PRELID2: variants seen among roughly 807,000 people sequenced by gnomAD.
The protein encoded by PRELID2 is PRELI domain containing 2, also known as PRELI domain-containing protein 2.
Under a neutral mutation model 28.4 loss-of-function variants are expected in PRELID2, and 25 were observed. The ratio of observed to expected loss-of-function variants is 0.88; its 90% confidence interval spans 0.64 to 1.23. The LOEUF (loss-of-function observed/expected upper bound fraction) is 1.23. Among genes scored for constraint, PRELID2 ranks in the 50% most tolerant of loss-of-function variants. The pLI, the probability that PRELID2 is intolerant of heterozygous loss-of-function variation, is 0.00. For missense variants in PRELID2, 201 were observed against 214.4 expected (o/e 0.94, Z 0.39); for synonymous variants, 76 against 71.6 (o/e 1.06, Z -0.31).
chr5:145,267,351 ACACT>A, the PRELID2 span, among the ~76,000 whole-genome samples: 1 of 152,136 alleles, frequency 6.6e-6, no homozygotes, highest in Non-Finnish European at 1.5e-5. Context: ...CTTCACAGAC[ACACT>A]CAGGATCAAT....
chr5:145,387,375 T>C, the PRELID2 span, among the ~76,000 whole-genome samples: 1 of 152,082 alleles, frequency 6.6e-6, no homozygotes, highest in African/African-American at 2.4e-5. Context: ...ATTTAACAGA[T>C]GTGAGAAGTA....
chr5:145,360,207 C>G, the PRELID2 span, among the ~76,000 whole-genome samples: 65 of 152,236 alleles, frequency 4.3e-4, no homozygotes, highest in Non-Finnish European at 6.8e-4. Flanking sequence ...GGGAGACTCA[C>G]CCCCAAGGGT....
the PRELID2 span, among the ~76,000 whole-genome samples, chr5:145,397,429 G>C: frequency 6.6e-6 from 1 of 152,050 alleles, no homozygotes; most frequent in Non-Finnish European, 1.5e-5. Flanking sequence ...GAAGAAATAA[G>C]TTATCTCATT....
In PRELID2 at chr5:145,528,724, CACAGAG is replaced by C. The variant is rs764865786; in HGVS notation, n.71-55415_71-55410del. On this transcript the variant is annotated intron_variant and non_coding_transcript_variant, in intron 1 of 2. Transcript: ENST00000510259. Reference sequence around the variant, plus strand: ...ACACACACACACACACACACACACACACAGAGAGAGAGAGAGAGAGAGAGAGAGTAA... The same window carrying C: ...ACACACACACACACACACACACACACAGAGAGAGAGAGAGAGAGAGAGTAA... Among the ~76,000 whole-genome samples, 362 of 56,684 alleles carry C rather than the reference CACAGAG, an allele frequency of 6.4e-3. 1 individual carries two copies. In the East Asian group the frequency reaches 0.09, roughly 14 times the overall value. 37.2% of individuals were successfully genotyped at this position (56,684 alleles called of 152,430 possible).
chr5:145,756,887 C>T lies in PRELID2; in HGVS notation c.*3649G>A, dbSNP rs1757272786. ...AGATAAAAGTGAGGGAAAAGAAAAA[C>T]TCTAAAAACCATGGTAGAACTCAAA... On this transcript the variant is annotated 3_prime_UTR_variant, in exon 7 of 7. Coordinates refer to ENST00000683046, the MANE Select transcript of PRELID2 (RefSeq NM_205846.3). Among the ~76,000 whole-genome samples, 1 of 152,122 alleles carries T rather than the reference C, an allele frequency of 6.6e-6. No homozygotes were observed. Among genetic ancestry groups the T allele is most frequent in the East Asian group, 1.9e-4 (1 of 5,192 alleles).
chr5:145,762,209 T>G (rs1445856460), intron 6 of PRELID2, among the ~76,000 whole-genome samples: 1 of 152,186 alleles, frequency 6.6e-6, no homozygotes, highest in Admixed American at 6.5e-5. Context: ...CCTGGTTATA[T>G]TCAGACCTCG....
At chr5:145,689,005 C>A (rs749341387) in intron 1 of PRELID2, among the ~76,000 whole-genome samples, 7 of 152,046 alleles carry the variant, frequency 4.6e-5, no homozygotes, top group Admixed American at 1.3e-4. Flanking sequence ...TTGGGAGATC[C>A]AAAAGGAGAT....
At chr5:145,576,592 G>A (rs140000639) in intron 1 of PRELID2, among the ~76,000 whole-genome samples, 292 of 150,742 alleles carry the variant, frequency 1.9e-3, no homozygotes, top group African/African-American at 6.7e-3. Flanking sequence ...ACATCAACTT[G>A]AACAATATCT....
At chr5:145,549,452 G>T (rs184489106) in intron 1 of PRELID2, among the ~76,000 whole-genome samples, 1 of 152,016 alleles carries the variant, frequency 6.6e-6, no homozygotes, top group South Asian at 2.1e-4. Flanking sequence ...CTAATTTCAC[G>T]CTATTAATTT....
chr5:145,506,293 G>T (rs1752411101), intron 1 of PRELID2, among the ~76,000 whole-genome samples: 1 of 152,034 alleles, frequency 6.6e-6, no homozygotes, highest in South Asian at 2.1e-4. Context: ...CAGAGATTTT[G>T]TTCCTTCTCT....
chr5:145,236,462 C>A, the PRELID2 span, among the ~76,000 whole-genome samples: 1 of 152,120 alleles, frequency 6.6e-6, no homozygotes, highest in Non-Finnish European at 1.5e-5. Context: ...GGGCTGCCCC[C>A]ACAGATCATT....
chr5:145,717,945 T>G (rs2149715071), intron 1 of PRELID2, among the ~76,000 whole-genome samples: 1 of 152,014 alleles, frequency 6.6e-6, no homozygotes, highest in South Asian at 2.1e-4. Context: ...TCATAATGGG[T>G]TTTGACATTA....
At chr5:145,607,424 C>G (rs142702234) in intron 1 of PRELID2, among the ~76,000 whole-genome samples, 2,292 of 152,206 alleles carry the variant, frequency 0.015, 62 homozygotes, top group African/African-American at 0.051. Context: ...AGCTGTGTCC[C>G]AGAGATTCTG....
At chr5:145,797,514 G>A (rs1183885515) in intron 4 of PRELID2, among the ~76,000 whole-genome samples, 1 of 152,136 alleles carries the variant, frequency 6.6e-6, no homozygotes, top group African/African-American at 2.4e-5. Flanking sequence ...TAAAGGAAAT[G>A]GCAATATACT....
chr5:145,379,491 C>G, the PRELID2 span, among the ~76,000 whole-genome samples: 1 of 152,096 alleles, frequency 6.6e-6, no homozygotes, highest in African/African-American at 2.4e-5. Context: ...TAGATGGCTT[C>G]TCTGTGCCCA....
At chr5:145,691,650 G>A (rs754881489) in intron 1 of PRELID2, among the ~76,000 whole-genome samples, 3 of 152,006 alleles carry the variant, frequency 2.0e-5, no homozygotes, top group Non-Finnish European at 2.9e-5. Flanking sequence ...CCTGGGAGGC[G>A]AAGCTTGCAG....
intron 1 of PRELID2, among the ~76,000 whole-genome samples, chr5:145,551,892 C>T (rs964718923): frequency 6.6e-6 from 1 of 152,094 alleles, no homozygotes; most frequent in Non-Finnish European, 1.5e-5. Flanking sequence ...AGGGACACAG[C>T]CAACCCACAG....
chr5:145,397,850 G>C, the PRELID2 span, among the ~76,000 whole-genome samples: 2 of 152,164 alleles, frequency 1.3e-5, no homozygotes, highest in Non-Finnish European at 2.9e-5. Context: ...AAAGCAGCAA[G>C]GATGTCTGAG....
At chr5:145,416,862 A>G in the PRELID2 span, among the ~76,000 whole-genome samples, 2 of 151,880 alleles carry the variant, frequency 1.3e-5, no homozygotes, top group African/African-American at 2.4e-5. Flanking sequence ...GCTTTAACCC[A>G]AAAGTCCAAG....
Sources: gnomAD v4.1 joint callset for allele counts (sites outside exome capture counted in the v4.1 genomes callset) on GRCh38, gnomAD v4.1.1 for gene constraint, MANE v1.5 for transcripts, NCBI Gene and HGNC (gene_info 2026-07-23, HGNC 2026-07-21) for gene names.